The following PID1 variants were observed in gnomAD, a reference collection of about 807,000 sequenced individuals.
PID1 encodes phosphotyrosine interaction domain containing 1.
In PID1, 10 loss-of-function variants were observed where a neutral mutation model predicts 19.1. That is an observed-to-expected ratio of 0.52 (90% CI 0.32 to 0.89). The LOEUF is 0.89. PID1 is among the 40% of genes least tolerant of loss of function. PID1 has a pLI of 0.03. For synonymous variants in PID1, 130 were observed against 116.0 expected, an observed-to-expected ratio of 1.12 and a Z score of -0.78; for missense variants, 248 against 285.3, an observed-to-expected ratio of 0.87 and a Z score of 0.94.
intron 2 of PID1, among the ~76,000 whole-genome samples, chr2:229,064,943 G>A (rs1483514760): frequency 6.6e-6 from 1 of 152,120 alleles, no homozygotes; most frequent in African/African-American, 2.4e-5. Context: ...TCCTTCTAGC[G>A]AACAGATGGT....
chr2:229,181,767 T>A (rs184517380), intron 1 of PID1, among the ~76,000 whole-genome samples: 1 of 152,376 alleles, frequency 6.6e-6, no homozygotes, highest in African/African-American at 2.4e-5. Context: ...CAGAGATGTC[T>A]CTCACTTAAG....
intron 2 of PID1, among the ~76,000 whole-genome samples, chr2:229,043,610 T>G (rs964888812): frequency 6.6e-6 from 1 of 152,338 alleles, no homozygotes; most frequent in African/African-American, 2.4e-5. Context: ...CATGATGGAT[T>G]AAGGAAAAGC....
chr2:229,027,655 C>T (rs796618502), intron 2 of PID1, among the ~76,000 whole-genome samples: 2 of 152,210 alleles, frequency 1.3e-5, no homozygotes, highest in African/African-American at 4.8e-5. Flanking sequence ...TGGCCTCAGA[C>T]TACATAGGAG....
chr2:229,191,134 A>G (rs1238223717), intron 1 of PID1, among the ~76,000 whole-genome samples: 1 of 152,128 alleles, frequency 6.6e-6, no homozygotes, highest in Non-Finnish European at 1.5e-5. Context: ...TTGTTGAGGG[A>G]CCGTCCTGGA....
intron 1 of PID1, chr2:229,227,909 A>G (rs905362595): frequency 1.5e-5 from 7 of 452,520 alleles, no homozygotes; most frequent in Admixed American, 1.4e-4. Flanking sequence ...TGGAAAATAT[A>G]CAGGAGGGTG....
At chr2:229,123,399 C>A (rs1695561887) in intron 2 of PID1, among the ~76,000 whole-genome samples, 1 of 152,168 alleles carries the variant, frequency 6.6e-6, no homozygotes, top group South Asian at 2.1e-4. Flanking sequence ...TATGGACATA[C>A]TGCATTTTGT....
intron 2 of PID1, among the ~76,000 whole-genome samples, chr2:229,047,208 G>T (rs7558791): frequency 6.6e-6 from 1 of 152,036 alleles, no homozygotes; most frequent in Non-Finnish European, 1.5e-5. Flanking sequence ...GCTGTCAACC[G>T]TTGGCCTTCC....
rs891009498 is a variant in PID1, at chr2:229,188,701, T to C, written c.31-32737A>G. On this transcript the variant is annotated intron_variant, in intron 1 of 2. Coordinates refer to ENST00000392055, the MANE Select transcript of PID1 (RefSeq NM_001100818.2). The stretch of plus-strand genomic sequence containing the variant: ...TTGCAGTGAGCTGAGATCGTACCAC[T>C]GCACTCCAGCCTGGGCAACAAGAGC... Among the ~76,000 whole-genome samples, 3 of 144,548 alleles carry C rather than the reference T, an allele frequency of 2.1e-5. No homozygotes were observed. In the Admixed American group the frequency reaches 2.1e-4, roughly 10 times the overall value. 94.8% of individuals were successfully genotyped at this position (144,548 alleles called of 152,430 possible). A position where few individuals can be genotyped will look rare whatever the true frequency, so the allele number is the denominator to read the frequency against.
At chr2:229,159,620 C>T (rs1690452272) in intron 1 of PID1, among the ~76,000 whole-genome samples, 1 of 152,130 alleles carries the variant, frequency 6.6e-6, no homozygotes, top group East Asian at 1.9e-4. Context: ...CTTGAATAAA[C>T]CTCTAAATAT....
In PID1 at chr2:229,025,767, G is replaced by A. The variant is rs975702213; in HGVS notation, c.519C>T (p.Leu173=). 1.5e-5 allele frequency: 24 copies of A among 1,614,100 alleles called. No individual in the cohort carries two copies. Among genetic ancestry groups the A allele is most frequent in the Admixed American group, 1.2e-4 (7 of 60,008 alleles). Residue 173 remains leucine, a synonymous_variant, in exon 3 of 3, where the codon CTC becomes CTT. Coordinates refer to ENST00000392055, the MANE Select transcript of PID1 (RefSeq NM_001100818.2). ...TGGCGTGGGCCAGTTTCTTGGCCTC[G>A]AGCTTGCTCTCGCACTCCACGGCGT... ...DCHAVECESK[L]EAKKLAHAMM...
intron 1 of PID1, among the ~76,000 whole-genome samples, chr2:229,163,688 T>C (rs973358882): frequency 3.6e-4 from 44 of 122,958 alleles, no homozygotes; most frequent in African/African-American, 9.4e-4. Flanking sequence ...TGTGCGTGTG[T>C]GTGTGTGTAT....
chr2:229,031,986 G>A (rs1032117237), intron 2 of PID1, among the ~76,000 whole-genome samples: 14 of 151,954 alleles, frequency 9.2e-5, no homozygotes, highest in South Asian at 6.2e-4. Context: ...TTTTGTATAC[G>A]GTTTAATAGA....
chr2:229,206,881 G>A (rs892994696), intron 1 of PID1, among the ~76,000 whole-genome samples: 3 of 152,130 alleles, frequency 2.0e-5, no homozygotes, highest in African/African-American at 4.8e-5. Flanking sequence ...AGGAATCACC[G>A]AGGGATTTTG....
At chr2:229,111,001 TC>T (rs1050997335) in intron 2 of PID1, among the ~76,000 whole-genome samples, 9 of 152,260 alleles carry the variant, frequency 5.9e-5, no homozygotes, top group African/African-American at 2.2e-4. Flanking sequence ...CCCATACTGT[TC>T]CCATGGTAGT....
At chr2:229,251,944 T>C (rs1398535141) in intron 1 of PID1, among the ~76,000 whole-genome samples, 3 of 71,446 alleles carry the variant, frequency 4.2e-5, no homozygotes, top group South Asian at 5.1e-4. Flanking sequence ...AACCATAAGC[T>C]AAAAAAAAAA....
At chr2:229,059,417 A>T (rs1035764245) in intron 2 of PID1, among the ~76,000 whole-genome samples, 2 of 152,254 alleles carry the variant, frequency 1.3e-5, no homozygotes, top group Non-Finnish European at 2.9e-5. Flanking sequence ...TGTGCTAGGC[A>T]CAAGGTTAGG....
chr2:229,046,878 T>C (rs961719068), intron 2 of PID1, among the ~76,000 whole-genome samples: 1 of 152,240 alleles, frequency 6.6e-6, no homozygotes, highest in African/African-American at 2.4e-5. Flanking sequence ...CGTTCTTGAC[T>C]GCACATGAAC....
chr2:229,227,297 G>A (rs1381811384), intron 1 of PID1, among the ~76,000 whole-genome samples: 1 of 152,256 alleles, frequency 6.6e-6, no homozygotes, highest in Non-Finnish European at 1.5e-5. Context: ...CAATAGGCAC[G>A]TTTCAAGTGC....
At chr2:229,168,033 T>C (rs1690637903) in intron 1 of PID1, among the ~76,000 whole-genome samples, 1 of 152,202 alleles carries the variant, frequency 6.6e-6, no homozygotes, top group Non-Finnish European at 1.5e-5. Flanking sequence ...AAGTCTGTTA[T>C]AATTCTTAAT....
Sources: allele counts gnomAD v4.1 joint callset (sites outside exome capture counted in the v4.1 genomes callset), GRCh38; gene constraint gnomAD v4.1.1; transcripts MANE v1.5; gene names NCBI Gene and HGNC (gene_info 2026-07-23, HGNC 2026-07-21).